PAX7: variants seen among roughly 807,000 people sequenced by gnomAD.
The protein encoded by PAX7 is paired box protein Pax-7.
PAX7 carries 18 observed loss-of-function variants against 50.7 expected under a neutral mutation model. The ratio of observed to expected loss-of-function variants is 0.36; its 90% CI spans 0.25 to 0.53. The LOEUF is 0.53. PAX7 is among the 20% of genes least tolerant of loss of function. The pLI is 0.93. For synonymous variants in PAX7, 310 were observed against 290.4 expected (o/e 1.07, Z -0.69); for missense variants, 644 against 702.9 (o/e 0.92, Z 0.95).
intron 4 of PAX7, among the ~76,000 whole-genome samples, chr1:18,644,293 C>A (rs2100442418): frequency 6.6e-6 from 1 of 152,306 alleles, no homozygotes. Flanking sequence ...CAAAGTGCAT[C>A]GTGGTCGAGG....
At chr1:18,688,301 G>A (rs942572093) in intron 4 of PAX7, among the ~76,000 whole-genome samples, 14 of 152,290 alleles carry the variant, frequency 9.2e-5, no homozygotes, top group African/African-American at 2.6e-4. Flanking sequence ...ACTAGCACAC[G>A]GGAAGTTGTG....
intron 4 of PAX7, among the ~76,000 whole-genome samples, chr1:18,648,918 TG>T (rs1275506101): frequency 6.6e-6 from 1 of 151,682 alleles, no homozygotes; most frequent in Non-Finnish European, 1.5e-5. Context: ...CAAGGAGACA[TG>T]GTTAGGAGAG....
At chr1:18,689,400 G>A (rs1460639168) in intron 4 of PAX7, among the ~76,000 whole-genome samples, 2 of 152,032 alleles carry the variant, frequency 1.3e-5, no homozygotes, top group African/African-American at 2.4e-5. Flanking sequence ...CTGGGTAACT[G>A]GAAGCCCTGG....
chr1:18,716,991 G>A (rs2089433371), intron 7 of PAX7, among the ~76,000 whole-genome samples: 1 of 149,770 alleles, frequency 6.7e-6, no homozygotes, highest in Non-Finnish European at 1.5e-5. Flanking sequence ...CGGCCGGAGC[G>A]GGGATCGGGT....
chr1:18,700,671 C>T lies in PAX7; in HGVS notation c.805C>T (p.Arg269Cys), dbSNP rs1388040564. The change falls in exon 6 of 9, where the codon CGC becomes TGC. Residue 269 changes from arginine (R) to cysteine (C), a missense_variant. Transcript: ENST00000420770. This position sits in a 1 kb window ranked among gnomAD's most constrained non-coding sequence, Gnocchi z 4.8. ...ARVQVWFSNR[R>C]ARWRKQAGAN... ...CTCCCAGGTCTGGTTCAGTAACCGCCGCGCCCGTTGGCGTAAGCAGGCAGG... is the reference window on the plus strand; with the variant it reads ...CTCCCAGGTCTGGTTCAGTAACCGCTGCGCCCGTTGGCGTAAGCAGGCAGG... 3 of 1,574,638 alleles carry T rather than the reference C, an allele frequency of 1.9e-6. No homozygotes were observed. The highest frequency in any genetic ancestry group is 1.4e-5 in the African/African-American group (1 of 72,496).
chr1:18,721,132 G>A (rs1282301333), intron 7 of PAX7, among the ~76,000 whole-genome samples: 1 of 152,058 alleles, frequency 6.6e-6, no homozygotes, highest in Non-Finnish European at 1.5e-5. Flanking sequence ...CCCAGTCCAG[G>A]TGTCTGTGGC....
At chr1:18,656,644 T>C (rs959089506) in intron 4 of PAX7, among the ~76,000 whole-genome samples, 2 of 152,090 alleles carry the variant, frequency 1.3e-5, no homozygotes, top group African/African-American at 4.8e-5. Context: ...ACCATTTCCC[T>C]GAGTTTTAGT....
At chr1:18,710,231 T>C (rs372106578) in intron 7 of PAX7, among the ~76,000 whole-genome samples, 14 of 152,146 alleles carry the variant, frequency 9.2e-5, no homozygotes, top group African/African-American at 2.9e-4. Flanking sequence ...AGGTGAGTGA[T>C]GGAGATGGGG....
At chr1:18,691,467 T>G (rs1018057954) in intron 4 of PAX7, among the ~76,000 whole-genome samples, 6 of 152,178 alleles carry the variant, frequency 3.9e-5, no homozygotes, top group African/African-American at 1.4e-4. Flanking sequence ...CAGAGGGGAC[T>G]GTTTTGTTGT....
chr1:18,725,310 C>CCG (rs1553142815), intron 7 of PAX7, among the ~76,000 whole-genome samples: 10 of 45,278 alleles, frequency 2.2e-4, no homozygotes, highest in Non-Finnish European at 4.7e-4. Flanking sequence ...ACGCCCCCCC[C>CCG]CCGCCCCACC....
Position 18,702,208 on chromosome 1 carries a change from G to A in PAX7, c.953-886G>A, listed in dbSNP as rs539957032. ...AAAAAAATTATCTGGGCATGGTGGC[G>A]TGCATCTGTAATCCCAGCTACTCAG... On this transcript the variant is annotated intron_variant, in intron 6 of 8. Transcript: ENST00000420770. 1.9e-4 allele frequency among the ~76,000 whole-genome samples: 29 copies of A among 151,896 alleles called. No homozygotes were observed. The East Asian group carries it at 2.9e-3, about 15-fold the overall frequency.
Position 18,703,079 on chromosome 1 carries a change from T to C in PAX7, c.953-15T>C. 1 of 1,611,220 alleles carries C rather than the reference T, an allele frequency of 6.2e-7. No individual in the cohort carries two copies. Among genetic ancestry groups the C allele is most frequent in the African/African-American group, 1.3e-5 (1 of 75,000 alleles). ...GAGGCCACTTGCTTAGGACCTCTCT[T>C]GGGTCTCTCTACAGATGGGGGCAGC... On this transcript the variant is annotated splice_polypyrimidine_tract_variant and intron_variant, in intron 6 of 8. Coordinates refer to ENST00000420770, the MANE Select transcript of PAX7 (RefSeq NM_001135254.2).
rs916401336 is a variant in PAX7, at chr1:18,747,827, G to T, written c.*2898G>T. 1.1e-5 allele frequency: 2 copies of T among 189,922 alleles called. No homozygotes were observed. The highest frequency in any genetic ancestry group is 2.3e-5 in the African/African-American group (1 of 42,860). The allele number at this position is 189,922 out of a possible 1,614,324, so 11.8% of individuals were successfully genotyped here. On this transcript the variant is annotated 3_prime_UTR_variant, in exon 9 of 9. Transcript: ENST00000420770. Reference sequence around the variant, plus strand: ...TAAATATATATATATACTAAAAAAGGAAAGAAATCCCCCACAGTGTGTGTC... The same window carrying T: ...TAAATATATATATATACTAAAAAAGTAAAGAAATCCCCCACAGTGTGTGTC...
At chr1:18,698,143 C>G (rs2089172701) in intron 5 of PAX7, among the ~76,000 whole-genome samples, 1 of 151,998 alleles carries the variant, frequency 6.6e-6, no homozygotes, top group Non-Finnish European at 1.5e-5. Context: ...ATGCCCATCG[C>G]TCTCCCACCC....
chr1:18,661,336 C>A (rs567813251), intron 4 of PAX7, among the ~76,000 whole-genome samples: 2 of 152,294 alleles, frequency 1.3e-5, no homozygotes, highest in East Asian at 3.9e-4. Flanking sequence ...TTCAAACTCA[C>A]ATTTCCTGTG....
At chr1:18,701,948 G>C (rs984599529) in intron 6 of PAX7, among the ~76,000 whole-genome samples, 2 of 152,090 alleles carry the variant, frequency 1.3e-5, no homozygotes, top group Admixed American at 1.3e-4. Context: ...GGGGAAGAAG[G>C]GTTCCCTCCC....
chr1:18,694,703 C>T (rs185022769), intron 5 of PAX7, among the ~76,000 whole-genome samples: 66 of 152,126 alleles, frequency 4.3e-4, no homozygotes, highest in Admixed American at 2.7e-3. Flanking sequence ...AGCTGTGTCA[C>T]CTTCAACAGG....
intron 4 of PAX7, among the ~76,000 whole-genome samples, chr1:18,685,124 C>A (rs765850433): frequency 6.6e-6 from 1 of 152,162 alleles, no homozygotes; most frequent in East Asian, 1.9e-4. Context: ...TGGCCTTCTC[C>A]GGGCTGGGAG....
chr1:18,647,700 A>G (rs2088367969), intron 4 of PAX7, among the ~76,000 whole-genome samples: 1 of 152,150 alleles, frequency 6.6e-6, no homozygotes, highest in African/African-American at 2.4e-5. Context: ...AGGCTGGAGA[A>G]ATATCACTCC....
Sources: allele counts gnomAD v4.1 joint callset (sites outside exome capture counted in the v4.1 genomes callset), GRCh38; gene constraint gnomAD v4.1.1; non-coding constraint Gnocchi (gnomAD v3.1); transcripts MANE v1.5; gene names NCBI Gene and HGNC (gene_info 2026-07-23, HGNC 2026-07-21).